Variants in RNF217 observed in about 807,000 individuals in gnomAD.
The protein encoded by RNF217 is E3 ubiquitin-protein ligase RNF217.
A neutral mutation model predicts 57.8 loss-of-function variants in RNF217; 31 were observed. The observed-to-expected ratio is 0.54, with a 90% confidence interval of 0.40 to 0.72. RNF217 has a LOEUF of 0.72. Among genes scored for constraint, RNF217 ranks in the 30% least tolerant of loss-of-function variants. The pLI is 0.00. For missense variants in RNF217, 696 were observed against 708.3 expected (o/e 0.98, Z 0.20); for synonymous variants, 313 against 294.0 (o/e 1.06, Z -0.66).
chr6:125,049,879 TA>T (rs1165346282), intron 2 of RNF217, among the ~76,000 whole-genome samples: 1 of 151,800 alleles, frequency 6.6e-6, no homozygotes, highest in Non-Finnish European at 1.5e-5. Flanking sequence ...AATGGAAAAT[TA>T]GTTCAGTTTG....
intron 1 of RNF217, among the ~76,000 whole-genome samples, chr6:125,018,986 G>A (rs984592530): frequency 6.6e-6 from 1 of 152,142 alleles, no homozygotes. Context: ...TAAAACTTGA[G>A]GATTCTTCTC....
At chr6:125,057,856 C>A in intron 2 of RNF217, 86 bp from the exon 3 acceptor site, 4 of 1,174,524 alleles carry the variant, frequency 3.4e-6, no homozygotes, top group Non-Finnish European at 4.8e-6. Flanking sequence ...AAACTTTTAG[C>A]TAATTTCCCC....
At chr6:125,025,146 G>A (rs564530038) in intron 1 of RNF217, among the ~76,000 whole-genome samples, 38 of 152,246 alleles carry the variant, frequency 2.5e-4, no homozygotes, top group Non-Finnish European at 4.4e-4. Context: ...TTGCAAAGGA[G>A]GCAGTAAAGT....
At chr6:124,968,753 T>C (rs1783646322) in intron 1 of RNF217, among the ~76,000 whole-genome samples, 1 of 152,216 alleles carries the variant, frequency 6.6e-6, no homozygotes, top group Admixed American at 6.5e-5. Context: ...ACCTGAAGGC[T>C]CTTCCTTAAC....
intron 1 of RNF217, among the ~76,000 whole-genome samples, chr6:124,977,991 G>A (rs192749345): frequency 1.9e-4 from 29 of 152,104 alleles, no homozygotes; most frequent in African/African-American, 5.8e-4. Context: ...GAGAGCTGGC[G>A]TATTCTTATT....
In RNF217 at chr6:124,962,473, C is replaced by T. The variant is rs1783314430; in HGVS notation, c.-72C>T. ...CGCGAGTCGAGCCGAGCCACTGCCC[C>T]CGCTGCCCGCGGGCGCCGGGTGGGG... On this transcript the variant is annotated 5_prime_UTR_variant, in exon 1 of 6. Coordinates refer to ENST00000521654, the MANE Select transcript of RNF217 (RefSeq NM_001286398.3). The surrounding 1 kb of genome is among the most constrained non-coding windows in gnomAD (Gnocchi z 4.6). The T allele has an allele frequency of 7.1e-6, 5 of 707,758 alleles. No individual in the cohort carries two copies. Among genetic ancestry groups the T allele is most frequent in the Admixed American group, 5.2e-5 (1 of 19,292 alleles). 43.8% of individuals were successfully genotyped at this position (707,758 alleles called of 1,614,324 possible).
intron 1 of RNF217, among the ~76,000 whole-genome samples, chr6:124,978,916 C>T (rs1364600431): frequency 6.6e-6 from 1 of 152,176 alleles, no homozygotes; most frequent in Non-Finnish European, 1.5e-5. Flanking sequence ...CCCCTTTCTG[C>T]CTGTGTGGCT....
rs1380126918 is a variant in RNF217, at chr6:124,962,766, G to A, written c.222G>A (p.Gly74=). ...TSAPEPARSL[G]PPGWSKSRAP... ...CCCCAGAGCCCGCGAGGAGCCTGGG[G>A]CCCCCGGGCTGGAGTAAGAGCCGAG... The change falls in exon 1 of 6, where the codon GGG becomes GGA. Residue 74 remains glycine (G), a synonymous_variant. Transcript: ENST00000521654. The surrounding 1 kb of genome is among the most constrained non-coding windows in gnomAD (Gnocchi z 4.6). 2.5e-6 allele frequency: 4 copies of A among 1,593,944 alleles called. No individual in the cohort carries two copies. Among genetic ancestry groups the A allele is most frequent in the Non-Finnish European group, 2.5e-6 (3 of 1,178,516 alleles).
chr6:124,977,428 G>A (rs1784007720), intron 1 of RNF217, among the ~76,000 whole-genome samples: 1 of 146,234 alleles, frequency 6.8e-6, no homozygotes, highest in African/African-American at 2.4e-5. Flanking sequence ...ACTAAATGCT[G>A]AACAAAGATT....
intron 3 of RNF217, among the ~76,000 whole-genome samples, chr6:125,066,165 C>T (rs931503671): frequency 2.0e-5 from 3 of 152,166 alleles, no homozygotes; most frequent in East Asian, 1.9e-4. Context: ...AAGGCATCAT[C>T]GTCTTTCTCT....
chr6:125,066,696 A>G (rs1787948749), intron 3 of RNF217, among the ~76,000 whole-genome samples: 1 of 152,074 alleles, frequency 6.6e-6, no homozygotes, highest in Non-Finnish European at 1.5e-5. Context: ...ATTACTTATC[A>G]CTACTTAAAA....
rs778776300 is a variant in RNF217, at chr6:125,082,973, G to A, written c.*36G>A. ...ATTTCATCCAGCTAAGCTGGTTGGAGTAGGAGCGATACCAAAGGGTACACC... is the reference window on the plus strand; with the variant it reads ...ATTTCATCCAGCTAAGCTGGTTGGAATAGGAGCGATACCAAAGGGTACACC... On this transcript the variant is annotated 3_prime_UTR_variant, in exon 6 of 6. Coordinates refer to ENST00000521654, the MANE Select transcript of RNF217 (RefSeq NM_001286398.3). The A allele has an allele frequency of 6.8e-7, 1 of 1,465,740 alleles. No individual in the cohort carries two copies. The highest frequency in any genetic ancestry group is 2.3e-5 in the East Asian group (1 of 43,418). 90.8% of individuals were successfully genotyped at this position (1,465,740 alleles called of 1,614,324 possible). A position where few individuals can be genotyped will look rare whatever the true frequency, so the allele number is the denominator to read the frequency against.
At chr6:125,066,447 G>A (rs569144378) in intron 3 of RNF217, among the ~76,000 whole-genome samples, 114 of 152,156 alleles carry the variant, frequency 7.5e-4, no homozygotes, top group African/African-American at 2.2e-3. Flanking sequence ...GCTGTGCTTC[G>A]AAACTGCAGG....
At chr6:125,015,920 A>C (rs1484417806) in intron 1 of RNF217, among the ~76,000 whole-genome samples, 1 of 152,164 alleles carries the variant, frequency 6.6e-6, no homozygotes, top group Non-Finnish European at 1.5e-5. Context: ...TCAGCAAAAA[A>C]AATTAAATTT....
At chr6:125,052,920 A>G (rs896409671) in intron 2 of RNF217, among the ~76,000 whole-genome samples, 4 of 152,110 alleles carry the variant, frequency 2.6e-5, no homozygotes, top group Non-Finnish European at 5.9e-5. Context: ...TGCCAGGATT[A>G]TAGGAACTTA....
chr6:125,013,942 C>T (rs79315560), intron 1 of RNF217, among the ~76,000 whole-genome samples: 2,539 of 152,232 alleles, frequency 0.017, 77 homozygotes, highest in African/African-American at 0.058. Flanking sequence ...CATAATGCCC[C>T]GCTGACTACA....
chr6:125,082,687 A>G, intron 5 of RNF217, 177 bp from the exon 6 acceptor site: 1 of 1,400,772 alleles, frequency 7.1e-7, no homozygotes, highest in South Asian at 1.3e-5. Context: ...TAAAGGGGAG[A>G]AAAGCTAAAG....
chr6:125,046,491 G>A (rs544796636), intron 2 of RNF217: 1 of 434,162 alleles, frequency 2.3e-6, no homozygotes, highest in African/African-American at 2.0e-5. Flanking sequence ...CAGAACAATT[G>A]TCTTCCAAAT....
intron 1 of RNF217, chr6:124,983,426 G>A (rs1301121008): frequency 1.0e-6 from 1 of 984,722 alleles, no homozygotes; most frequent in Non-Finnish European, 1.2e-6. Context: ...AATATGGTCA[G>A]GACAAATGTG....
Sources: gnomAD v4.1 joint callset for allele counts (sites outside exome capture counted in the v4.1 genomes callset) on GRCh38, gnomAD v4.1.1 for gene constraint, Gnocchi (gnomAD v3.1) non-coding constraint, MANE v1.5 for transcripts, NCBI Gene and HGNC (gene_info 2026-07-23, HGNC 2026-07-21) for gene names.